Variants in TTYH3 observed in about 807,000 individuals in gnomAD.
The protein encoded by TTYH3 is tweety family member 3, also known as protein tweety homolog 3.
In TTYH3, 23 loss-of-function variants were observed where a neutral mutation model predicts 68.2. The observed-to-expected ratio is 0.34, with a 90% CI of 0.24 to 0.48. TTYH3 has a LOEUF of 0.48. Ranked by LOEUF, TTYH3 falls within the 20% of genes least tolerant of loss-of-function variation. TTYH3 has a pLI of 0.99. For synonymous variants in TTYH3, 360 were observed against 332.8 expected (o/e 1.08, Z -0.89); for missense variants, 768 against 727.7 (o/e 1.06, Z -0.64).
intron 1 of TTYH3, among the ~76,000 whole-genome samples, chr7:2,633,617 A>G (rs1785583826): frequency 6.6e-6 from 1 of 152,248 alleles, no homozygotes; most frequent in Non-Finnish European, 1.5e-5. Context: ...ATGCACATTC[A>G]GGAACTTCTG....
chr7:2,647,691 C>T (rs1235459861), intron 4 of TTYH3, 53 bp downstream of exon 4: 2 of 1,519,476 alleles, frequency 1.3e-6, no homozygotes, highest in African/African-American at 1.4e-5. Flanking sequence ...CATCACCCTC[C>T]TTGGGCCAAT....
At chr7:2,651,375 C>T (rs1348426371) in intron 7 of TTYH3, among the ~76,000 whole-genome samples, 1 of 152,196 alleles carries the variant, frequency 6.6e-6, no homozygotes, top group Non-Finnish European at 1.5e-5. Context: ...GAAAAGTCAT[C>T]TGCCGCCCAC....
At chr7:2,659,102 G>A (rs1786420491) in intron 13 of TTYH3, 87 bp downstream of exon 13, 3 of 1,344,314 alleles carry the variant, frequency 2.2e-6, no homozygotes, top group East Asian at 4.7e-5. Context: ...GGTGTGGCAT[G>A]TGCAGCCAGT....
chr7:2,658,445 G>A lies in TTYH3; in HGVS notation c.1410G>A (p.Pro470=), dbSNP rs748963485. 9.3e-6 allele frequency: 15 copies of A among 1,611,690 alleles called. No individual in the cohort carries two copies. The highest frequency in any genetic ancestry group is 3.3e-5 in the South Asian group (3 of 90,918). The change falls in exon 12 of 14, where the codon CCG becomes CCA. Residue 470 remains proline, a synonymous_variant. Coordinates refer to ENST00000258796, the MANE Select transcript of TTYH3 (RefSeq NM_025250.3). Reference sequence around the variant, plus strand: ...CGGCCCACACCGTCAGCAACGCCCCGGTCACTGAGTACATGTGAGTTGACG... The same window carrying A: ...CGGCCCACACCGTCAGCAACGCCCCAGTCACTGAGTACATGTGAGTTGACG... ...PAAAHTVSNA[P]VTEYMSQNAN...
At position 2,659,000 on chromosome 7, in the gene TTYH3, G is replaced by A. The variant is rs12672030; in HGVS notation, c.1485G>A (p.Glu495=). The change falls in exon 13 of 14, where the codon GAG becomes GAA. Residue 495 remains glutamate, a synonymous_variant. Coordinates refer to ENST00000258796, the MANE Select transcript of TTYH3 (RefSeq NM_025250.3). ...RCENTPLIGR[E]SPPPSYTSSM... ...AGAACACCCCACTCATTGGGCGCGAGTCCCCGCCGCCCTCAGTAAGTCTTG... is the reference window on the plus strand; with the variant it reads ...AGAACACCCCACTCATTGGGCGCGAATCCCCGCCGCCCTCAGTAAGTCTTG... The A allele has an allele frequency of 6.7e-3, 10,839 of 1,613,984 alleles. 489 individuals carry two copies. The East Asian group carries it at 0.13, about 19-fold the overall frequency.
At chr7:2,644,880 G>A (rs1303489964) in intron 1 of TTYH3, among the ~76,000 whole-genome samples, 3 of 152,200 alleles carry the variant, frequency 2.0e-5, no homozygotes, top group African/African-American at 7.2e-5. Flanking sequence ...CCTGGCAACC[G>A]TCTCCTGGGA....
chr7:2,641,317 C>T (rs764208860), intron 1 of TTYH3, among the ~76,000 whole-genome samples: 1 of 143,698 alleles, frequency 7.0e-6, no homozygotes, highest in Admixed American at 6.9e-5. Context: ...GCGGGGCAGT[C>T]GGGGGAGTCT....
At chr7:2,634,266 G>C (rs1444505446) in intron 1 of TTYH3, among the ~76,000 whole-genome samples, 1 of 152,160 alleles carries the variant, frequency 6.6e-6, no homozygotes, top group Non-Finnish European at 1.5e-5. Context: ...CAACTGCTTG[G>C]TGTCTCTGAG....
intron 1 of TTYH3, among the ~76,000 whole-genome samples, chr7:2,641,654 G>A (rs1785849625): frequency 6.6e-6 from 1 of 152,262 alleles, no homozygotes; most frequent in Admixed American, 6.5e-5. Context: ...CTCTGAATGG[G>A]CCAGGGAGGG....
intron 7 of TTYH3, among the ~76,000 whole-genome samples, chr7:2,651,425 G>A (rs559618735): frequency 1.3e-5 from 2 of 152,310 alleles, no homozygotes; most frequent in South Asian, 2.1e-4. Flanking sequence ...GGGTGGGCCC[G>A]CTCTGCTAGG....
At chr7:2,643,424 C>T (rs952958454) in intron 1 of TTYH3, among the ~76,000 whole-genome samples, 4 of 152,024 alleles carry the variant, frequency 2.6e-5, no homozygotes, top group Admixed American at 6.5e-5. Context: ...CTGTTTTTCT[C>T]AGCGTCTCTC....
chr7:2,659,163 C>A, intron 13 of TTYH3, 148 bp downstream of exon 13: 1 of 801,718 alleles, frequency 1.2e-6, no homozygotes, highest in South Asian at 1.7e-5. Flanking sequence ...CCCAGGTGAC[C>A]CTTCCCAGCT....
intron 4 of TTYH3, 112 bp from the exon 5 acceptor site, chr7:2,647,838 CGCTCTGAAT>C: frequency 8.3e-7 from 1 of 1,211,724 alleles, no homozygotes; most frequent in Non-Finnish European, 1.2e-6. Context: ...ATGACCCAGA[CGCTCTGAAT>C]GCCCTCTGGG....
At chr7:2,661,434 TG>T (rs1786492778) in intron 13 of TTYH3, among the ~76,000 whole-genome samples, 1 of 152,086 alleles carries the variant, frequency 6.6e-6, no homozygotes, top group South Asian at 2.1e-4. Flanking sequence ...GTCCTGAGCC[TG>T]GAGAGTTCGG....
rs752328751 is a variant in TTYH3, at chr7:2,658,301, C to T, written c.1266C>T (p.Asp422=). The T allele has an allele frequency of 2.2e-5, 35 of 1,589,186 alleles. No individual in the cohort carries two copies. Among genetic ancestry groups the T allele is most frequent in the East Asian group, 4.5e-5 (2 of 44,160 alleles). ...CTCCTCACAGAGGCCCTGATGAGGA[C>T]GGGGAGGAGGAGGCCGCTCCAGGGC... ...TWQQKRGPDE[D]GEEEAAPGPR... The change falls in exon 12 of 14, where the codon GAC becomes GAT. Residue 422 remains aspartate (D), a synonymous_variant. Coordinates refer to ENST00000258796, the MANE Select transcript of TTYH3 (RefSeq NM_025250.3).
chr7:2,657,719 G>A (rs1786377021), intron 11 of TTYH3, among the ~76,000 whole-genome samples: 1 of 152,234 alleles, frequency 6.6e-6, no homozygotes, highest in African/African-American at 2.4e-5. Flanking sequence ...GGCTTGGCTG[G>A]TGGCCCCTGC....
chr7:2,649,870 C>T (rs778305588), intron 6 of TTYH3, 43 bp from the exon 7 acceptor site: 4 of 1,608,870 alleles, frequency 2.5e-6, no homozygotes, highest in East Asian at 2.2e-5. Flanking sequence ...TCCCTTTAGG[C>T]CCAGCTTGGT....
chr7:2,639,393 C>T lies in TTYH3; in HGVS notation c.123+7115C>T, dbSNP rs113235757. On this transcript the variant is annotated intron_variant, in intron 1 of 13. Coordinates refer to ENST00000258796, the MANE Select transcript of TTYH3 (RefSeq NM_025250.3). ...CAAGAGTGCCCTCCCCCACCTGTTG[C>T]GGTACCCACGATGCTCCCCACAACG... 1.9e-3 allele frequency among the ~76,000 whole-genome samples: 284 copies of T among 152,312 alleles called. 1 individual carries two copies. The highest frequency in any genetic ancestry group is 5.9e-3 in the African/African-American group (245 of 41,570).
intron 9 of TTYH3, among the ~76,000 whole-genome samples, chr7:2,653,964 C>G (rs887453): frequency 6.6e-6 from 1 of 152,220 alleles, no homozygotes; most frequent in Admixed American, 6.5e-5. Context: ...TCCCTGCCCC[C>G]ACACACACCG....
Sources: gnomAD v4.1 joint callset for allele counts (sites outside exome capture counted in the v4.1 genomes callset) on GRCh38, gnomAD v4.1.1 for gene constraint, MANE v1.5 for transcripts, NCBI Gene and HGNC (gene_info 2026-07-23, HGNC 2026-07-21) for gene names.